RADIL: variants seen among roughly 807,000 people sequenced by gnomAD.
RADIL encodes ras-associating and dilute domain-containing protein.
Under a neutral mutation model 97.6 loss-of-function variants are expected in RADIL, and 99 were observed. The ratio of observed to expected loss-of-function variants is 1.01; its 90% CI spans 0.86 to 1.20. The LOEUF is 1.20. RADIL is among the 50% of genes most tolerant of loss of function. RADIL has a pLI of 0.00. For synonymous variants in RADIL, 803 were observed against 691.8 expected (o/e 1.16, Z -2.52); for missense variants, 1,765 against 1,498.9 (o/e 1.18, Z -2.93).
chr7:4,802,952 C>T (rs1306494680), intron 11 of RADIL, among the ~76,000 whole-genome samples: 1 of 91,802 alleles, frequency 1.1e-5, no homozygotes, highest in South Asian at 4.3e-4. Context: ...CCTCGGGGCA[C>T]GCTGGCTGGG....
intron 5 of RADIL, among the ~76,000 whole-genome samples, chr7:4,830,829 AC>A (rs1402924295): frequency 2.6e-5 from 4 of 152,228 alleles, no homozygotes; most frequent in African/African-American, 9.6e-5. Flanking sequence ...CCTGGCTAAC[AC>A]GGTGAAACCC....
At chr7:4,862,787 C>T (rs1784047239) in intron 2 of RADIL, among the ~76,000 whole-genome samples, 1 of 151,892 alleles carries the variant, frequency 6.6e-6, no homozygotes, top group African/African-American at 2.4e-5. Context: ...ATCCCAGCTA[C>T]TCGGGAGGCT....
chr7:4,804,067 T>C (rs2115161395), intron 10 of RADIL: 2 of 407,446 alleles, frequency 4.9e-6, no homozygotes, highest in Non-Finnish European at 9.4e-6. Flanking sequence ...CACTGGTCTC[T>C]GATGGTGTCT....
intron 10 of RADIL, 152 bp downstream of exon 10, chr7:4,805,414 G>A (rs1158914664): frequency 5.4e-6 from 5 of 933,130 alleles, no homozygotes; most frequent in Admixed American, 5.7e-5. Context: ...CGGGGCGGGG[G>A]GGTCCTCTGG....
At position 4,880,565 on chromosome 7, in the gene RADIL, T is replaced by C. The variant is rs80355022; in HGVS notation, c.-64-2362A>G. Among the ~76,000 whole-genome samples the C allele has an allele frequency of 6.4e-3, 972 of 152,238 alleles. 11 individuals are homozygous for C. The highest frequency in any genetic ancestry group is 0.022 in the African/African-American group (928 of 41,552). On this transcript the variant is annotated intron_variant, in intron 1 of 14. Coordinates refer to ENST00000399583, the MANE Select transcript of RADIL (RefSeq NM_018059.5). This position sits in a 1 kb window ranked among gnomAD's most constrained non-coding sequence, Gnocchi z 4.5. Reference sequence around the variant, plus strand: ...CTGCACAACCCTGCTCCAAAGCACCTCTCCAGATGCCCCAGGCTTAGAAGC... The same window carrying C: ...CTGCACAACCCTGCTCCAAAGCACCCCTCCAGATGCCCCAGGCTTAGAAGC...
chr7:4,877,827 T>C lies in RADIL; in HGVS notation c.313A>G (p.Arg105Gly), dbSNP rs765839838. ...EALERYALDP[R>G]QAGQYVLCDV... Reference sequence around the variant, plus strand: ...CACAGCACGTACTGGCCGGCCTGCCTGGGGTCCAGGGCGTACCGCTCCAGC... The same window carrying C: ...CACAGCACGTACTGGCCGGCCTGCCCGGGGTCCAGGGCGTACCGCTCCAGC... The change falls in exon 2 of 15, where the codon AGG becomes GGG. Residue 105 changes from arginine to glycine, a missense_variant. Coordinates refer to ENST00000399583, the MANE Select transcript of RADIL (RefSeq NM_018059.5). 1.9e-6 allele frequency: 3 copies of C among 1,608,298 alleles called. No homozygotes were observed. Among genetic ancestry groups the C allele is most frequent in the African/African-American group, 2.7e-5 (2 of 74,942 alleles).
intron 9 of RADIL, chr7:4,809,336 C>T: frequency 2.0e-6 from 2 of 985,278 alleles, no homozygotes; most frequent in South Asian, 9.4e-5. Flanking sequence ...CAGGAGAAGT[C>T]CTGTTTTCAA....
chr7:4,882,416 G>A (rs748095605), intron 1 of RADIL, among the ~76,000 whole-genome samples: 2 of 152,244 alleles, frequency 1.3e-5, no homozygotes, highest in African/African-American at 2.4e-5. Context: ...CTCGGACAGC[G>A]AGGGTGTGGG....
Position 4,861,427 on chromosome 7 carries a change from G to C in RADIL, c.535+16178C>G, listed in dbSNP as rs377476980. 20 of 1,613,990 alleles carry C rather than the reference G, an allele frequency of 1.2e-5. No individual in the cohort carries two copies. In the African/African-American group the frequency reaches 1.7e-4, roughly 14 times the overall value. On this transcript the variant is annotated intron_variant, in intron 2 of 14. Coordinates refer to ENST00000399583, the MANE Select transcript of RADIL (RefSeq NM_018059.5). ...TAGCATAGAATGAGGTGAAAAAGTCGCTTCGATCCACATGACTTGGTGCAA... is the reference window on the plus strand; with the variant it reads ...TAGCATAGAATGAGGTGAAAAAGTCCCTTCGATCCACATGACTTGGTGCAA...
At chr7:4,856,597 CTT>C (rs1300068586) in intron 2 of RADIL, among the ~76,000 whole-genome samples, 1 of 152,192 alleles carries the variant, frequency 6.6e-6, no homozygotes, top group Non-Finnish European at 1.5e-5. Flanking sequence ...TCTTTCATGA[CTT>C]GAGCTTTTTT....
rs562476651 is a variant in RADIL at position 4,800,325 on chromosome 7, G to A, written c.2843-15C>T. ...TGCAGAGTCTCCTGGGTGGGGGCCA[G>A]GAAAGGTGGGTGGGAGTGAGGCGCC... On this transcript the variant is annotated splice_polypyrimidine_tract_variant and intron_variant, in intron 12 of 14. Transcript: ENST00000399583. The A allele has an allele frequency of 2.8e-6, 4 of 1,433,860 alleles. No homozygotes were observed. The highest frequency in any genetic ancestry group is 3.7e-6 in the Non-Finnish European group (4 of 1,093,268). 88.8% of individuals were successfully genotyped at this position (1,433,860 alleles called of 1,614,324 possible).
Position 4,799,372 on chromosome 7 carries a change from GC to G in RADIL, c.*5del, listed in dbSNP as rs1442313317. Reference sequence around the variant, plus strand: ...CCGGGCCTGTGGGGGTGTCCTCGCAGCCCCCCTAGAGAGGGGGCGTGCGGAA... The same window carrying G: ...CCGGGCCTGTGGGGGTGTCCTCGCAGCCCCCTAGAGAGGGGGCGTGCGGAA... On this transcript the variant is annotated 3_prime_UTR_variant, in exon 15 of 15. Transcript: ENST00000399583. The G allele has an allele frequency of 1.2e-6, 2 of 1,612,632 alleles. No homozygotes were observed. The highest frequency in any genetic ancestry group is 1.7e-5 in the Admixed American group (1 of 59,990).
At position 4,814,146 on chromosome 7, in the gene RADIL, G is replaced by A. The variant is rs1782615111; in HGVS notation, c.2139+1132C>T. Reference sequence around the variant, plus strand: ...GCTTTCTGCCTTCCAAAATCGCATTGCTTTTGCCTCCTCTAGATTTTATCC... The same window carrying A: ...GCTTTCTGCCTTCCAAAATCGCATTACTTTTGCCTCCTCTAGATTTTATCC... On this transcript the variant is annotated intron_variant, in intron 9 of 14. Transcript: ENST00000399583. The surrounding 1 kb of genome is among the most constrained non-coding windows in gnomAD (Gnocchi z 4.5). 1.3e-5 allele frequency among the ~76,000 whole-genome samples: 2 copies of A among 152,196 alleles called. No homozygotes were observed. The highest frequency in any genetic ancestry group is 2.1e-4 in the South Asian group (1 of 4,822).
At chr7:4,829,518 T>C (rs1051227067) in intron 5 of RADIL, among the ~76,000 whole-genome samples, 2 of 152,154 alleles carry the variant, frequency 1.3e-5, no homozygotes, top group Admixed American at 6.5e-5. Flanking sequence ...AGCAGGCACA[T>C]ATGGCAATAA....
In RADIL at chr7:4,801,948, G is replaced by A; in HGVS notation, c.2547C>T (p.Cys849=). ...VLDGHLEAPS[C]PLAPRDPGPA... is the part of the protein sequence containing the mutation. Reference sequence around the variant, plus strand: ...GGCCAGGGTCCCTGGGAGCCAGGGGGCAGCTCGGGGCCTCCAGGTGCCCGT... The same window carrying A: ...GGCCAGGGTCCCTGGGAGCCAGGGGACAGCTCGGGGCCTCCAGGTGCCCGT... The change falls in exon 12 of 15, where the codon TGC becomes TGT. Residue 849 remains cysteine, a synonymous_variant. Transcript: ENST00000399583. 6.4e-7 allele frequency: 1 copy of A among 1,559,228 alleles called. No individual in the cohort carries two copies. The highest frequency in any genetic ancestry group is 1.9e-4 in the Middle Eastern group (1 of 5,402).
chr7:4,800,883 G>GAC lies in RADIL; in HGVS notation c.2843-575_2843-574dup, dbSNP rs540046847. ...GGCCAGGTGGCCCCAAGCCACAGGGGACACTCTGACTCTGCACACGCACCC... is the reference window on the plus strand; with the variant it reads ...GGCCAGGTGGCCCCAAGCCACAGGGGACACACTCTGACTCTGCACACGCACCC... On this transcript the variant is annotated intron_variant, in intron 12 of 14. Transcript: ENST00000399583. Among the ~76,000 whole-genome samples, 56 of 152,288 alleles carry GAC rather than the reference G, an allele frequency of 3.7e-4. 1 individual carries two copies. Among genetic ancestry groups the GAC allele is most frequent in the African/African-American group, 1.3e-3 (52 of 41,560 alleles).
chr7:4,878,021 T>A lies in RADIL; in HGVS notation c.119A>T (p.Asp40Val). Residue 40 changes from aspartate (D) to valine (V), a missense_variant, in exon 2 of 15, where the codon GAC (aspartate) becomes GTC (valine). Physicochemically the swap from Asp to Val is radical, Grantham distance 152 (BLOSUM62 -3). Coordinates refer to ENST00000399583, the MANE Select transcript of RADIL (RefSeq NM_018059.5). This position sits in a 1 kb window ranked among gnomAD's most constrained non-coding sequence, Gnocchi z 4.1. ...RTLSYKYRDL[D>V]STFSSLGASD... The stretch of plus-strand genomic sequence containing the variant: ...GGCGCCCAGGCTGGAGAAGGTGGAG[T>A]CCAGGTCCCGGTACTTGTAGCTCAG... 6.2e-7 allele frequency: 1 copy of A among 1,609,506 alleles called. No individual in the cohort carries two copies. Among genetic ancestry groups the A allele is most frequent in the South Asian group, 1.1e-5 (1 of 90,476 alleles).
At chr7:4,810,042 A>G (rs973730380) in intron 9 of RADIL, among the ~76,000 whole-genome samples, 3 of 151,906 alleles carry the variant, frequency 2.0e-5, no homozygotes, top group Non-Finnish European at 4.4e-5. Context: ...TTTAGTAGAG[A>G]TGAGGTTTCA....
rs2115000932 is a variant in RADIL at position 4,834,205 on chromosome 7, T to A, written c.1416+402A>T. 6.6e-6 allele frequency among the ~76,000 whole-genome samples: 1 copy of A among 152,254 alleles called. No homozygotes were observed. The highest frequency in any genetic ancestry group is 1.5e-5 in the Non-Finnish European group (1 of 68,000). ...CAGGGCGCCGGCACACACAGGGGCTTCTGGGGCTCTTGGGCAGGGGCCTGT... is the reference window on the plus strand; with the variant it reads ...CAGGGCGCCGGCACACACAGGGGCTACTGGGGCTCTTGGGCAGGGGCCTGT... On this transcript the variant is annotated intron_variant, in intron 4 of 14. Transcript: ENST00000399583. This position sits in a 1 kb window ranked among gnomAD's most constrained non-coding sequence, Gnocchi z 6.0.
Sources: allele counts gnomAD v4.1 joint callset (sites outside exome capture counted in the v4.1 genomes callset), GRCh38; gene constraint gnomAD v4.1.1; non-coding constraint Gnocchi (gnomAD v3.1); transcripts MANE v1.5; gene names NCBI Gene and HGNC (gene_info 2026-07-23, HGNC 2026-07-21).